TASP1: variants seen among roughly 807,000 people sequenced by gnomAD.
TASP1 encodes taspase 1.
Under a neutral mutation model 56.6 loss-of-function variants are expected in TASP1, and 16 were observed. The observed-to-expected ratio is 0.28, with a 90% CI of 0.19 to 0.43. The LOEUF (loss-of-function observed/expected upper bound fraction) is 0.43. Among genes scored for constraint, TASP1 ranks in the 20% least tolerant of loss-of-function variants. The probability of loss-of-function intolerance (pLI) is 1.00; values close to 1 mark genes in which losing one functional copy is unlikely to be tolerated. For synonymous variants in TASP1, 179 were observed against 184.2 expected, an observed-to-expected ratio of 0.97 and a Z score of 0.23; for missense variants, 393 against 511.6, an observed-to-expected ratio of 0.77 and a Z score of 2.24.
the TASP1 span, among the ~76,000 whole-genome samples, chr20:13,282,713 G>A: frequency 6.6e-6 from 1 of 152,200 alleles, no homozygotes; most frequent in Admixed American, 6.5e-5. Context: ...TATAAATAAA[G>A]TCGTGTTCTG....
At chr20:13,163,525 C>T in the TASP1 span, among the ~76,000 whole-genome samples, 18 of 151,988 alleles carry the variant, frequency 1.2e-4, no homozygotes. Context: ...AGAAACTATC[C>T]CAGAGAGGTG....
At chr20:13,573,100 C>T (rs1452316926) in intron 6 of TASP1, among the ~76,000 whole-genome samples, 2 of 152,176 alleles carry the variant, frequency 1.3e-5, no homozygotes, top group African/African-American at 2.4e-5. Flanking sequence ...AGCTTATCAA[C>T]ACATAAAATG....
At chr20:13,219,511 T>G in the TASP1 span, among the ~76,000 whole-genome samples, 2 of 146,750 alleles carry the variant, frequency 1.4e-5, no homozygotes, top group African/African-American at 5.1e-5. Context: ...GAGATAGAAA[T>G]AAGATGTCTG....
chr20:13,360,648 G>A, the TASP1 span, among the ~76,000 whole-genome samples: 4 of 152,098 alleles, frequency 2.6e-5, no homozygotes, highest in Admixed American at 6.6e-5. Context: ...ATCACAAACT[G>A]TGCTCAACTC....
At chr20:13,562,548 A>G (rs2046376610) in intron 7 of TASP1, among the ~76,000 whole-genome samples, 1 of 152,170 alleles carries the variant, frequency 6.6e-6, no homozygotes, top group Admixed American at 6.5e-5. Context: ...ATCAGAAATC[A>G]AAGTGGGGAC....
At chr20:13,486,144 C>T (rs1423386223) in intron 10 of TASP1, among the ~76,000 whole-genome samples, 1 of 152,142 alleles carries the variant, frequency 6.6e-6, no homozygotes, top group Non-Finnish European at 1.5e-5. Context: ...GACTTATGTG[C>T]TCTTACCTAC....
At position 13,415,631 on chromosome 20, in the gene TASP1, G is replaced by A. The variant is rs551954912; in HGVS notation, c.1170+1817C>T. Reference sequence around the variant, plus strand: ...AATTTACCAGCAATAAGAAAACCATGTCTACCAGATGTCAAGCAATATAAC... The same window carrying A: ...AATTTACCAGCAATAAGAAAACCATATCTACCAGATGTCAAGCAATATAAC... On this transcript the variant is annotated intron_variant, in intron 13 of 13. Coordinates refer to ENST00000337743, the MANE Select transcript of TASP1 (RefSeq NM_017714.3). Among the ~76,000 whole-genome samples, 8 of 152,070 alleles carry A rather than the reference G, an allele frequency of 5.3e-5. No individual in the cohort carries two copies. The South Asian group carries it at 1.7e-3, about 32-fold the overall frequency.
At chr20:13,483,142 A>G in intron 11 of TASP1, 85 bp downstream of exon 11, 1 of 972,400 alleles carries the variant, frequency 1.0e-6, no homozygotes, top group East Asian at 2.7e-5. Context: ...GTCTAGAAAT[A>G]CAAATGGAGT....
chr20:13,295,069 C>T, the TASP1 span, among the ~76,000 whole-genome samples: 1 of 152,246 alleles, frequency 6.6e-6, no homozygotes. Context: ...TCACCCTGAC[C>T]GTGTGATTTC....
the TASP1 span, among the ~76,000 whole-genome samples, chr20:13,184,006 G>A: frequency 3.9e-4 from 58 of 149,470 alleles, no homozygotes; most frequent in Admixed American, 8.7e-4. Flanking sequence ...TCCAGCCTAG[G>A]TGACAGAGTG....
the TASP1 span, among the ~76,000 whole-genome samples, chr20:13,222,676 C>A: frequency 6.6e-6 from 1 of 152,184 alleles, no homozygotes; most frequent in Non-Finnish European, 1.5e-5. Flanking sequence ...AACTTCAGGG[C>A]AAGGAGAGGG....
At chr20:13,134,092 G>T in the TASP1 span, among the ~76,000 whole-genome samples, 1 of 152,154 alleles carries the variant, frequency 6.6e-6, no homozygotes, top group Non-Finnish European at 1.5e-5. Flanking sequence ...AAACTGTCAC[G>T]GTCAGGTGTA....
the TASP1 span, among the ~76,000 whole-genome samples, chr20:13,198,792 GTCTTTCTTTCTTTCTTTCTTTCTTTCTT>G: frequency 4.1e-4 from 47 of 114,144 alleles, no homozygotes; most frequent in South Asian, 1.0e-3. Context: ...TTCTTTCTTT[GTCTTTCTTTCTTTCTTTCTTTCTTTCTT>G]TCTTTCTTTC....
the TASP1 span, among the ~76,000 whole-genome samples, chr20:13,287,250 A>G: frequency 1.3e-5 from 2 of 151,790 alleles, no homozygotes; most frequent in African/African-American, 2.4e-5. Flanking sequence ...AGGCAAAGGA[A>G]GAGCAAAGGG....
chr20:13,560,811 T>C (rs2046320809), intron 7 of TASP1, among the ~76,000 whole-genome samples: 1 of 152,040 alleles, frequency 6.6e-6, no homozygotes, highest in Admixed American at 6.6e-5. Flanking sequence ...AAATAATAGC[T>C]GAAAACTTGC....
At chr20:13,107,559 G>A in the TASP1 span, among the ~76,000 whole-genome samples, 1 of 152,140 alleles carries the variant, frequency 6.6e-6, no homozygotes, top group Non-Finnish European at 1.5e-5. Context: ...CAATAGTGAT[G>A]CCAGGATATC....
At chr20:13,240,530 T>C in the TASP1 span, among the ~76,000 whole-genome samples, 6 of 152,074 alleles carry the variant, frequency 3.9e-5, no homozygotes, top group African/African-American at 1.4e-4. Context: ...GAAAAGAGAC[T>C]GGAGAACAGT....
chr20:13,559,007 CCTT>C lies in TASP1; in HGVS notation c.673_675del (p.Lys225del), dbSNP rs750920667. The C allele has an allele frequency of 1.9e-6, 3 of 1,568,546 alleles. No homozygotes were observed. Among genetic ancestry groups the C allele is most frequent in the Non-Finnish European group, 2.6e-6 (3 of 1,153,020 alleles). ...TTTGAATATTTCAAACACCACCTGA[CCTT>C]CTCACTTGATTGTCTTCTTTTCTTT... On this transcript the variant is annotated inframe_deletion and splice_region_variant, in exon 8 of 14. Coordinates refer to ENST00000337743, the MANE Select transcript of TASP1 (RefSeq NM_017714.3).
chr20:13,128,871 ATTT>A, the TASP1 span, among the ~76,000 whole-genome samples: 132 of 114,204 alleles, frequency 1.2e-3, no homozygotes, highest in South Asian at 9.4e-3. Context: ...TGCCCAGCTA[ATTT>A]TTTTTTTTTT....
Sources: gnomAD v4.1 joint callset for allele counts (sites outside exome capture counted in the v4.1 genomes callset) on GRCh38, gnomAD v4.1.1 for gene constraint, MANE v1.5 for transcripts, NCBI Gene and HGNC (gene_info 2026-07-23, HGNC 2026-07-21) for gene names.